The following PSMD5 variants were observed in gnomAD, a reference collection of about 807,000 sequenced individuals.
The protein encoded by PSMD5 is proteasome 26S subunit, non-ATPase 5, also known as 26S proteasome non-ATPase regulatory subunit 5.
Under a neutral mutation model 52.1 loss-of-function variants are expected in PSMD5, and 40 were observed. The ratio of observed to expected loss-of-function variants is 0.77; its 90% CI spans 0.60 to 1.00. The LOEUF is 1.00. Ranked by LOEUF, PSMD5 falls within the 50% of genes least tolerant of loss-of-function variation. The pLI is 0.00. For missense variants in PSMD5, 575 were observed against 605.2 expected (o/e 0.95, Z 0.52); for synonymous variants, 211 against 226.6 (o/e 0.93, Z 0.62).
At chr9:120,826,156 G>A (rs372483265) in intron 6 of PSMD5, among the ~76,000 whole-genome samples, 52 of 152,050 alleles carry the variant, frequency 3.4e-4, no homozygotes, top group African/African-American at 8.9e-4. Context: ...CACCATGCCC[G>A]GCTAATTTTT....
chr9:120,819,822 C>T (rs1016932956), intron 9 of PSMD5, among the ~76,000 whole-genome samples: 3 of 151,596 alleles, frequency 2.0e-5, no homozygotes, highest in African/African-American at 7.3e-5. Context: ...GGCGACAGAG[C>T]GAGACTCTGT....
In PSMD5 at chr9:120,822,453, T is replaced by G. The variant is rs1469065426; in HGVS notation, c.1007-989A>C. On this transcript the variant is annotated intron_variant, in intron 7 of 9. Transcript: ENST00000210313. Reference sequence around the variant, plus strand: ...GTTCTTTGCAGGACTGTAAAACGATTGTCATAGGTAAAAGCACTTAGAAAA... The same window carrying G: ...GTTCTTTGCAGGACTGTAAAACGATGGTCATAGGTAAAAGCACTTAGAAAA... 2.0e-5 allele frequency among the ~76,000 whole-genome samples: 3 copies of G among 152,358 alleles called. No homozygotes were observed. In the East Asian group the frequency reaches 5.8e-4, roughly 29 times the overall value.
chr9:120,819,620 G>A (rs1201143883), intron 9 of PSMD5, among the ~76,000 whole-genome samples: 5 of 152,190 alleles, frequency 3.3e-5, no homozygotes, highest in East Asian at 1.9e-4. Context: ...GGATCACAAG[G>A]TCAGGAGATC....
At chr9:120,835,523 A>C (rs986183954) in intron 1 of PSMD5, among the ~76,000 whole-genome samples, 2 of 152,094 alleles carry the variant, frequency 1.3e-5, no homozygotes, top group Non-Finnish European at 2.9e-5. Flanking sequence ...TCAGGAGTTC[A>C]AGACCAGACT....
Position 120,826,617 on chromosome 9 carries a change from A to AT in PSMD5, c.814+147dup, listed in dbSNP as rs1028129358. On this transcript the variant is annotated intron_variant, in intron 6 of 9. Transcript: ENST00000210313. ...TTGAATTTGAACTTGGTTGCTCTAG[A>AT]TATCTTCTAAACGAAATCAGCTCAT... 14 of 1,010,484 alleles carry AT rather than the reference A, an allele frequency of 1.4e-5. No homozygotes were observed. In the African/African-American group the frequency reaches 2.0e-4, roughly 14 times the overall value. 62.6% of individuals were successfully genotyped at this position (1,010,484 alleles called of 1,614,324 possible). A position where few individuals can be genotyped will look rare whatever the true frequency, so the allele number is the denominator to read the frequency against.
rs555720704 is a variant in PSMD5, at chr9:120,837,174, C to A, written c.174-3718G>T. Among the ~76,000 whole-genome samples, 30 of 152,326 alleles carry A rather than the reference C, an allele frequency of 2.0e-4. No individual in the cohort carries two copies. The South Asian group carries it at 6.0e-3, about 30-fold the overall frequency. ...AAAATGCTGGGATTACAGGCGTTAGCCACCGCGCCCAGCCAATTTTTGTAT... is the reference window on the plus strand; with the variant it reads ...AAAATGCTGGGATTACAGGCGTTAGACACCGCGCCCAGCCAATTTTTGTAT... On this transcript the variant is annotated intron_variant, in intron 1 of 9. Coordinates refer to ENST00000210313, the MANE Select transcript of PSMD5 (RefSeq NM_005047.4).
Position 120,820,899 on chromosome 9 carries a change from G to C in PSMD5, c.1197C>G (p.Phe399Leu), listed in dbSNP as rs868666798. 1.2e-6 allele frequency: 2 copies of C among 1,609,444 alleles called. No individual in the cohort carries two copies. The highest frequency in any genetic ancestry group is 3.4e-5 in the Admixed American group (2 of 57,988). ...SSLSRDPLELFRGISSQPFPE... is the reference protein window; with the variant it reads ...SSLSRDPLELLRGISSQPFPE... ...GGAAGGGCTGACTACTAATGCCACGGAAGAGCTCCAGTGGATCCCGAGATA... is the reference window on the plus strand; with the variant it reads ...GGAAGGGCTGACTACTAATGCCACGCAAGAGCTCCAGTGGATCCCGAGATA... The change falls in exon 9 of 10, where the codon TTC becomes TTG. Residue 399 changes from phenylalanine to leucine, a missense_variant. Phe to Leu is a conservative substitution (Grantham distance 22). Transcript: ENST00000210313.
rs566788908 is a variant in PSMD5, at chr9:120,822,479, C to T, written c.1007-1015G>A. Among the ~76,000 whole-genome samples the T allele has an allele frequency of 6.6e-5, 10 of 152,226 alleles. No homozygotes were observed. The South Asian group carries it at 8.3e-4, about 13-fold the overall frequency. ...GTCATAGGTAAAAGCACTTAGAAAA[C>T]GACATATAACAAAAATATTAGCTGT... On this transcript the variant is annotated intron_variant, in intron 7 of 9. Transcript: ENST00000210313.
At chr9:120,829,730 G>T (rs2045147219) in intron 4 of PSMD5, among the ~76,000 whole-genome samples, 1 of 152,120 alleles carries the variant, frequency 6.6e-6, no homozygotes, top group South Asian at 2.1e-4. Flanking sequence ...ATATCTAGGT[G>T]TATCAGCACT....
At chr9:120,834,563 T>TA in intron 1 of PSMD5, among the ~76,000 whole-genome samples, 1 of 152,106 alleles carries the variant, frequency 6.6e-6, no homozygotes, top group African/African-American at 2.4e-5. Context: ...AAGGAACAAG[T>TA]AGTTTGGTAT....
intron 1 of PSMD5, 67 bp from the exon 2 acceptor site, chr9:120,833,523 T>C (rs2045175859): frequency 6.0e-6 from 9 of 1,498,666 alleles, no homozygotes; most frequent in Non-Finnish European, 8.2e-6. Context: ...AACCTAATAA[T>C]AGCTGAAGCT....
In PSMD5 at chr9:120,820,919, G is replaced by A. The variant is rs769588828; in HGVS notation, c.1177C>T (p.Arg393Trp). Reference sequence around the variant, plus strand: ...CCACGGAAGAGCTCCAGTGGATCCCGAGATAAAGAAGAAAACCAGGATTCT... The same window carrying A: ...CCACGGAAGAGCTCCAGTGGATCCCAAGATAAAGAAGAAAACCAGGATTCT... ...MTESWFSSLS[R>W]DPLELFRGIS... is the part of the protein sequence containing the mutation. Residue 393 changes from arginine to tryptophan, a missense_variant, in exon 9 of 10, where the codon CGG (arginine) becomes TGG (tryptophan). Coordinates refer to ENST00000210313, the MANE Select transcript of PSMD5 (RefSeq NM_005047.4). The A allele has an allele frequency of 1.1e-5, 17 of 1,608,904 alleles. No individual in the cohort carries two copies. Among genetic ancestry groups the A allele is most frequent in the Non-Finnish European group, 1.4e-5 (17 of 1,178,644 alleles).
intron 1 of PSMD5, chr9:120,841,764 A>G (rs773961214): frequency 3.3e-5 from 5 of 152,122 alleles, no homozygotes; most frequent in Non-Finnish European, 7.4e-5. Flanking sequence ...GCCACACACG[A>G]TATGTTATAT....
At chr9:120,821,284 C>A in intron 8 of PSMD5, 71 bp downstream of exon 8, 1 of 1,015,008 alleles carries the variant, frequency 9.9e-7, no homozygotes. Context: ...TCACATTTAT[C>A]ATGTTGATTC....
intron 9 of PSMD5, among the ~76,000 whole-genome samples, chr9:120,819,403 T>C (rs1486742501): frequency 1.3e-5 from 2 of 152,190 alleles, no homozygotes; most frequent in African/African-American, 4.8e-5. Flanking sequence ...AATAGAAAAT[T>C]ATTTCTACAA....
intron 1 of PSMD5, among the ~76,000 whole-genome samples, chr9:120,840,766 C>T (rs1467061843): frequency 2.6e-4 from 40 of 152,116 alleles, no homozygotes; most frequent in Middle Eastern, 3.4e-3. Context: ...ACTACAGGCA[C>T]GTGCCACCAT....
chr9:120,839,555 T>C (rs1395486021), intron 1 of PSMD5, among the ~76,000 whole-genome samples: 1 of 152,124 alleles, frequency 6.6e-6, no homozygotes, highest in Admixed American at 6.6e-5. Context: ...ATAGACATCA[T>C]GAATGGAGAA....
chr9:120,840,108 C>T (rs2045224176), intron 1 of PSMD5, among the ~76,000 whole-genome samples: 1 of 123,318 alleles, frequency 8.1e-6, no homozygotes, highest in Non-Finnish European at 1.6e-5. Flanking sequence ...GCCTGGGCAA[C>T]AGAACGAGAA....
intron 1 of PSMD5, 125 bp from the exon 2 acceptor site, chr9:120,833,581 T>C: frequency 9.5e-6 from 9 of 948,522 alleles, no homozygotes; most frequent in Non-Finnish European, 1.4e-5. Flanking sequence ...ACAGCAGCTT[T>C]CACTCACCTA....
Sources: gnomAD v4.1 joint callset for allele counts (sites outside exome capture counted in the v4.1 genomes callset) on GRCh38, gnomAD v4.1.1 for gene constraint, MANE v1.5 for transcripts, NCBI Gene and HGNC (gene_info 2026-07-23, HGNC 2026-07-21) for gene names.